Variants in RBP4 observed in about 807,000 individuals in gnomAD.
RBP4 encodes retinol binding protein 4.
RBP4 carries 9 observed loss-of-function variants against 26.2 expected under a neutral mutation model. That is an observed-to-expected ratio of 0.34 (90% CI 0.21 to 0.60). The LOEUF (loss-of-function observed/expected upper bound fraction) is 0.60. Ranked by LOEUF, RBP4 falls within the 20% of genes least tolerant of loss-of-function variation. RBP4 has a pLI of 0.80. For missense variants in RBP4, 244 were observed against 271.3 expected, an observed-to-expected ratio of 0.90 and a Z score of 0.71; for synonymous variants, 114 against 111.0, an observed-to-expected ratio of 1.03 and a Z score of -0.17.
upstream of RBP4, chr10:93,601,480 G>T (rs2058339311): frequency 2.3e-6 from 2 of 861,140 alleles, no homozygotes; most frequent in African/African-American, 1.7e-5. Flanking sequence ...AGCGGCCCTG[G>T]CTCAGTTACC....
intron 1 of RBP4, 31 bp downstream of exon 1, chr10:93,601,140 C>A (rs2058336275): frequency 6.7e-7 from 1 of 1,489,688 alleles, no homozygotes; most frequent in Non-Finnish European, 8.9e-7. Flanking sequence ...CCCATCCCGC[C>A]GCCGGCCCCG....
chr10:93,596,398 C>A (rs988055802), intron 4 of RBP4, among the ~76,000 whole-genome samples: 3 of 152,158 alleles, frequency 2.0e-5, no homozygotes, highest in African/African-American at 7.2e-5. Context: ...TCATAGTGAC[C>A]TTGACCAGGC....
rs1221790400 is a variant in RBP4 at position 93,601,066 on chromosome 10, G to GT, written c.-18-21dup. 2.9e-5 allele frequency: 46 copies of GT among 1,600,754 alleles called. 3 individuals are homozygous for GT. Among genetic ancestry groups the GT allele is most frequent in the African/African-American group, 2.8e-4 (21 of 74,940 alleles). On this transcript the variant is annotated intron_variant, in intron 1 of 5. Transcript: ENST00000371464. The stretch of plus-strand genomic sequence containing the variant: ...TCCGCCCTGCGGGAGACGCGCCTCC[G>GT]TCAGTGCCCGGCAGCCGACCCCCGC...
chr10:93,599,689 T>C (rs1035532135), intron 4 of RBP4, among the ~76,000 whole-genome samples: 24 of 152,202 alleles, frequency 1.6e-4, no homozygotes, highest in African/African-American at 5.8e-4. Flanking sequence ...TGGCCTGCAT[T>C]ATTCTCTAGC....
At position 93,593,817 on chromosome 10, in the gene RBP4, A is replaced by G; in HGVS notation, c.568+6T>C. ...AGAGCCAGAAGGCACCCTGCTCCTGACTCACCGTTGTGGACGATCAGCCTG... is the reference window on the plus strand; with the variant it reads ...AGAGCCAGAAGGCACCCTGCTCCTGGCTCACCGTTGTGGACGATCAGCCTG... On this transcript the variant is annotated splice_donor_region_variant and intron_variant, in intron 5 of 5. Transcript: ENST00000371464. The G allele has an allele frequency of 6.2e-7, 1 of 1,611,126 alleles. No individual in the cohort carries two copies. The highest frequency in any genetic ancestry group is 8.5e-7 in the Non-Finnish European group (1 of 1,179,744).
In RBP4 at chr10:93,601,005, C is replaced by T. The variant is rs11546956; in HGVS notation, c.24G>A (p.Leu8=). ...GGCCGCTGCCCAGCGCCGCCAACAGCAAGAGCGCCCACACCCACTTCATCT... is the reference window on the plus strand; with the variant it reads ...GGCCGCTGCCCAGCGCCGCCAACAGTAAGAGCGCCCACACCCACTTCATCT... MKWVWAL[L]LLAALGSGRA... is the part of the protein sequence containing the mutation. Residue 8 remains leucine (L), a synonymous_variant, in exon 2 of 6, where the codon TTG becomes TTA. Coordinates refer to ENST00000371464, the MANE Select transcript of RBP4 (RefSeq NM_006744.4). The T allele has an allele frequency of 6.2e-7, 1 of 1,611,794 alleles. No individual in the cohort carries two copies. Among genetic ancestry groups the T allele is most frequent in the Non-Finnish European group, 8.5e-7 (1 of 1,179,708 alleles).
At chr10:93,596,668 T>C (rs892322289) in intron 4 of RBP4, among the ~76,000 whole-genome samples, 1 of 152,196 alleles carries the variant, frequency 6.6e-6, no homozygotes, top group Non-Finnish European at 1.5e-5. Flanking sequence ...GCTGTGTGTA[T>C]ACTGTACCTA....
At chr10:93,600,645 A>G in intron 3 of RBP4, 22 bp downstream of exon 3, 5 of 1,612,118 alleles carry the variant, frequency 3.1e-6, no homozygotes, top group Non-Finnish European at 4.2e-6. Context: ...CAAAGGGCGC[A>G]GCTGCCCCGG....
chr10:93,600,345 C>T (rs566762577), intron 4 of RBP4, 48 bp downstream of exon 4: 2 of 1,530,636 alleles, frequency 1.3e-6, no homozygotes, highest in African/African-American at 2.7e-5. Context: ...CGATTTGGCC[C>T]GGTAGGCGCC....
At chr10:93,598,207 G>C (rs940798153) in intron 4 of RBP4, among the ~76,000 whole-genome samples, 1 of 152,126 alleles carries the variant, frequency 6.6e-6, no homozygotes, top group Admixed American at 6.5e-5. Flanking sequence ...ATGATTTCAC[G>C]ACCAGGGAGA....
chr10:93,601,402 A>G, upstream of RBP4: 1 of 1,256,020 alleles, frequency 8.0e-7, no homozygotes, highest in Non-Finnish European at 1.0e-6. Context: ...GGCCGGCCTC[A>G]CCTCCAGGAC....
chr10:93,597,203 G>C (rs1388642333), intron 4 of RBP4, among the ~76,000 whole-genome samples: 1 of 152,184 alleles, frequency 6.6e-6, no homozygotes, highest in Non-Finnish European at 1.5e-5. Flanking sequence ...GATATAGATG[G>C]AGCAGGAACC....
At position 93,591,762 on chromosome 10, in the gene RBP4, G is replaced by A. The variant is rs933425587; in HGVS notation, c.*313C>T. ...CAGGCCAAAGGTCAGAAAGAGCCACGTGCTCCTGGTATAAAGAAGCGCACC... is the reference window on the plus strand; with the variant it reads ...CAGGCCAAAGGTCAGAAAGAGCCACATGCTCCTGGTATAAAGAAGCGCACC... On this transcript the variant is annotated 3_prime_UTR_variant, in exon 6 of 6. Transcript: ENST00000371464. 8 of 351,282 alleles carry A rather than the reference G, an allele frequency of 2.3e-5. No homozygotes were observed. Among genetic ancestry groups the A allele is most frequent in the Admixed American group, 2.2e-4 (5 of 23,120 alleles). The allele number at this position is 351,282 out of a possible 1,614,324, so 21.8% of individuals were successfully genotyped here. A position where few individuals can be genotyped will look rare whatever the true frequency, so the allele number is the denominator to read the frequency against.
intron 4 of RBP4, among the ~76,000 whole-genome samples, chr10:93,596,201 CTTTTTT>C (rs3215968): frequency 7.4e-6 from 1 of 134,680 alleles, no homozygotes; most frequent in Non-Finnish European, 1.6e-5. Flanking sequence ...GGCAGCTTAA[CTTTTTT>C]TTTTTTTTTT....
intron 3 of RBP4, 76 bp from the exon 4 acceptor site, chr10:93,600,575 T>A: frequency 6.2e-7 from 1 of 1,612,584 alleles, no homozygotes; most frequent in Non-Finnish European, 8.5e-7. Flanking sequence ...CGGTGCTCCC[T>A]TCCCTTCACA....
chr10:93,597,331 T>A (rs139995337), intron 4 of RBP4, among the ~76,000 whole-genome samples: 1 of 152,314 alleles, frequency 6.6e-6, no homozygotes, highest in African/African-American at 2.4e-5. Context: ...AAGGAGAGTC[T>A]TTGTCCAGGT....
upstream of RBP4, chr10:93,601,287 C>A: frequency 8.2e-7 from 1 of 1,215,286 alleles, no homozygotes; most frequent in Non-Finnish European, 1.0e-6. Flanking sequence ...GAGGGGGTCG[C>A]GCTTTCGTAA....
At chr10:93,599,541 G>A (rs893867114) in intron 4 of RBP4, among the ~76,000 whole-genome samples, 2 of 152,160 alleles carry the variant, frequency 1.3e-5, no homozygotes, top group African/African-American at 4.8e-5. Context: ...TTGGAAGCCT[G>A]GCTTCTGACA....
intron 4 of RBP4, among the ~76,000 whole-genome samples, chr10:93,597,115 C>T (rs1165707387): frequency 1.3e-5 from 2 of 152,096 alleles, no homozygotes; most frequent in African/African-American, 2.4e-5. Context: ...AGGGCCGTGC[C>T]CTTAGAATTT....
Sources: gnomAD v4.1 joint callset for allele counts (sites outside exome capture counted in the v4.1 genomes callset) on GRCh38, gnomAD v4.1.1 for gene constraint, MANE v1.5 for transcripts, NCBI Gene and HGNC (gene_info 2026-07-23, HGNC 2026-07-21) for gene names.